SASH3: variants seen among roughly 807,000 people sequenced by gnomAD.
SASH3 encodes the protein SAM and SH3 domain-containing protein 3.
Under a neutral mutation model 26.1 loss-of-function variants are expected in SASH3, and 7 were observed. That is an observed-to-expected ratio of 0.27 (90% CI 0.15 to 0.50). The LOEUF is 0.50. Ranked by LOEUF, SASH3 falls within the 20% of genes least tolerant of loss-of-function variation. The pLI, the probability that SASH3 is intolerant of heterozygous loss-of-function variation, is 0.98. For synonymous variants in SASH3, 138 were observed against 136.8 expected (o/e 1.01, Z -0.06); for missense variants, 231 against 318.3 (o/e 0.73, Z 2.09).
At position 129,792,713 on chromosome X, in the gene SASH3, C is replaced by T. The variant is rs1180894203; in HGVS notation, c.678C>T (p.Phe226=). 3 of 1,209,847 alleles carry T rather than the reference C, an allele frequency of 2.5e-6. No individual in the cohort carries two copies. Among genetic ancestry groups the T allele is most frequent in the Admixed American group, 2.2e-5 (1 of 45,855 alleles). The change falls in exon 6 of 8, where the codon TTC becomes TTT. Residue 226 remains phenylalanine (F), a synonymous_variant. Coordinates refer to ENST00000356892, the MANE Select transcript of SASH3 (RefSeq NM_018990.4). ...LLNGKVGSFK[F]IYVDVLPEEA... is the part of the protein sequence containing the mutation. Reference sequence around the variant, plus strand: ...ATGGCAAGGTGGGCTCTTTCAAATTCATCTATGTGGATGTGCTGCCCGAGG... The same window carrying T: ...ATGGCAAGGTGGGCTCTTTCAAATTTATCTATGTGGATGTGCTGCCCGAGG...
At position 129,794,803 on chromosome X, in the gene SASH3, A is replaced by G. The variant is rs900906407; in HGVS notation, c.*971A>G. 8.9e-6 allele frequency: 1 copy of G among 111,896 alleles called. No homozygotes were observed. Among genetic ancestry groups the G allele is most frequent in the African/African-American group, 3.2e-5 (1 of 30,811 alleles). 9.2% of individuals were successfully genotyped at this position (111,896 alleles called of 1,213,427 possible). ...AGGACAGAATTGCCTCTCGGAAGCC[A>G]GCTGTGGATCTGAGTCCAGAGTTGG... On this transcript the variant is annotated 3_prime_UTR_variant, in exon 8 of 8. Coordinates refer to ENST00000356892, the MANE Select transcript of SASH3 (RefSeq NM_018990.4).
intron 2 of SASH3, 63 bp downstream of exon 2, chrX:129,788,133 G>GT: frequency 3.2e-6 from 1 of 312,633 alleles, no homozygotes. Context: ...GTGGGGGTGG[G>GT]AGGGAAGAGG....
At position 129,794,162 on chromosome X, in the gene SASH3, C is replaced by G; in HGVS notation, c.*330C>G. ...GCACTGGGAAACCCTGCCCATGTCC[C>G]TCACCAACAAGGCCTCCAAATCCTC... On this transcript the variant is annotated 3_prime_UTR_variant, in exon 8 of 8. Transcript: ENST00000356892. 1 of 295,084 alleles carries G rather than the reference C, an allele frequency of 3.4e-6. No homozygotes were observed. The highest frequency in any genetic ancestry group is 9.8e-5 in the South Asian group (1 of 10,198). 24.3% of individuals were successfully genotyped at this position (295,084 alleles called of 1,213,427 possible).
At chrX:129,788,137 G>GGGGGGGGGGGGGGGGGGGGGGGGTGGGC in intron 2 of SASH3, 67 bp downstream of exon 2, 1 of 354,276 alleles carries the variant, frequency 2.8e-6, no homozygotes. Context: ...GGGTGGGAGG[G>GGGGGGGGGGGGGGGGGGGGGGGGTGGGC]AAGAGGGTGA....
In SASH3 at chrX:129,794,426, T is replaced by A. The variant is rs1200990801; in HGVS notation, c.*594T>A. The A allele has an allele frequency of 3.6e-5, 4 of 112,440 alleles. No individual in the cohort carries two copies. Among genetic ancestry groups the A allele is most frequent in the Middle Eastern group, 4.2e-3 (1 of 239 alleles). The allele number at this position is 112,440 out of a possible 1,213,427, so 9.3% of individuals were successfully genotyped here. A position where few individuals can be genotyped will look rare whatever the true frequency, so the allele number is the denominator to read the frequency against. On this transcript the variant is annotated 3_prime_UTR_variant, in exon 8 of 8. Transcript: ENST00000356892. ...TAAATCTTATGAGACTTGAACCAAG[T>A]GGCTTCCTCTTTCTAGGCTTAGGAC...
At position 129,780,195 on chromosome X, in the gene SASH3, C is replaced by T. The variant is rs776309962; in HGVS notation, c.57+41C>T. On this transcript the variant is annotated intron_variant, in intron 1 of 7. Coordinates refer to ENST00000356892, the MANE Select transcript of SASH3 (RefSeq NM_018990.4). ...GGAACTCACATCTTCCTTTCCTCTG[C>T]TTGCTCGACCCATCCCTTCCAAGAC... 14 of 1,118,240 alleles carry T rather than the reference C, an allele frequency of 1.3e-5. No individual in the cohort carries two copies. In the East Asian group the frequency reaches 3.7e-4, roughly 29 times the overall value. 92.2% of individuals were successfully genotyped at this position (1,118,240 alleles called of 1,213,427 possible). A position where few individuals can be genotyped will look rare whatever the true frequency, so the allele number is the denominator to read the frequency against.
chrX:129,793,976 A>G lies in SASH3; in HGVS notation c.*144A>G. ...AGGGACACTTAGGGCCACAGAGGCC[A>G]GGCCAGGGCCCTACAGGTTCCAGGC... On this transcript the variant is annotated 3_prime_UTR_variant, in exon 8 of 8. Transcript: ENST00000356892. 1 of 572,184 alleles carries G rather than the reference A, an allele frequency of 1.7e-6. No homozygotes were observed. The highest frequency in any genetic ancestry group is 2.7e-6 in the Non-Finnish European group (1 of 370,915). The allele number at this position is 572,184 out of a possible 1,213,427, so 47.2% of individuals were successfully genotyped here. A position where few individuals can be genotyped will look rare whatever the true frequency, so the allele number is the denominator to read the frequency against.
intron 1 of SASH3, among the ~76,000 whole-genome samples, chrX:129,783,800 T>C (rs964870825): frequency 2.7e-5 from 3 of 110,996 alleles, no homozygotes; most frequent in African/African-American, 9.8e-5. Flanking sequence ...AGGAGACCAC[T>C]GGGGAAAGCC....
At position 129,793,962 on chromosome X, in the gene SASH3, G is replaced by C; in HGVS notation, c.*130G>C. The stretch of plus-strand genomic sequence containing the variant: ...GGCCCTGCTTCCCCAGGGACACTTA[G>C]GGCCACAGAGGCCAGGCCAGGGCCC... On this transcript the variant is annotated 3_prime_UTR_variant, in exon 8 of 8. Transcript: ENST00000356892. The C allele has an allele frequency of 1.5e-6, 1 of 645,872 alleles. No homozygotes were observed. The highest frequency in any genetic ancestry group is 2.9e-5 in the South Asian group (1 of 34,631). The allele number at this position is 645,872 out of a possible 1,213,427, so 53.2% of individuals were successfully genotyped here. A position where few individuals can be genotyped will look rare whatever the true frequency, so the allele number is the denominator to read the frequency against.
chrX:129,794,933 GAAGGA>G lies in SASH3; in HGVS notation c.*1107_*1111del, dbSNP rs1012506009. On this transcript the variant is annotated 3_prime_UTR_variant, in exon 8 of 8. Coordinates refer to ENST00000356892, the MANE Select transcript of SASH3 (RefSeq NM_018990.4). ...AGGTTTTGGTGTACATTGAGCCCCA[GAAGGA>G]AAGGAGAGTATCTGTGAGTGGGGGC... The G allele has an allele frequency of 4.5e-5, 5 of 111,645 alleles. No individual in the cohort carries two copies. Among genetic ancestry groups the G allele is most frequent in the African/African-American group, 1.6e-4 (5 of 30,669 alleles). 9.2% of individuals were successfully genotyped at this position (111,645 alleles called of 1,213,427 possible).
chrX:129,781,603 A>G (rs1927018327), intron 1 of SASH3, among the ~76,000 whole-genome samples: 2 of 112,487 alleles, frequency 1.8e-5, no homozygotes, highest in South Asian at 7.3e-4. Flanking sequence ...AAGTGTGAGA[A>G]AGAGCTGACA....
In SASH3 at chrX:129,779,963, A is replaced by G. The variant is rs1926985356; in HGVS notation, c.-135A>G. On this transcript the variant is annotated 5_prime_UTR_variant, in exon 1 of 8. Coordinates refer to ENST00000356892, the MANE Select transcript of SASH3 (RefSeq NM_018990.4). Reference sequence around the variant, plus strand: ...CCATGGCCCGCACCCCCAAGCTGCCACTGCAGCAGTCAGAGTGGCAGCTGA... The same window carrying G: ...CCATGGCCCGCACCCCCAAGCTGCCGCTGCAGCAGTCAGAGTGGCAGCTGA... 7.2e-6 allele frequency: 4 copies of G among 557,436 alleles called. No individual in the cohort carries two copies. Among genetic ancestry groups the G allele is most frequent in the African/African-American group, 6.9e-5 (3 of 43,263 alleles). 45.9% of individuals were successfully genotyped at this position (557,436 alleles called of 1,213,427 possible).
intron 1 of SASH3, among the ~76,000 whole-genome samples, chrX:129,786,270 C>T (rs987308848): frequency 9.0e-6 from 1 of 111,463 alleles, no homozygotes; most frequent in Non-Finnish European, 1.9e-5. Context: ...ATGTGTGACC[C>T]CTGACCCCCA....
rs192894251 is a variant in SASH3, at chrX:129,781,200, A to G, written c.57+1046A>G. On this transcript the variant is annotated intron_variant, in intron 1 of 7. Coordinates refer to ENST00000356892, the MANE Select transcript of SASH3 (RefSeq NM_018990.4). ...CCCTGGAACTCAGCCCAGGTGCCCT[A>G]TGGTGGATCCCCCTTGTCAGGGGAG... Among the ~76,000 whole-genome samples the G allele has an allele frequency of 5.6e-4, 63 of 112,153 alleles. No homozygotes were observed. The East Asian group carries it at 0.017, about 30-fold the overall frequency.
intron 1 of SASH3, among the ~76,000 whole-genome samples, chrX:129,787,659 T>C (rs1457164756): frequency 8.9e-6 from 1 of 112,019 alleles, no homozygotes; most frequent in African/African-American, 3.2e-5. Flanking sequence ...CTCTGACTCA[T>C]GTAGTCTTTC....
At chrX:129,787,707 G>A (rs191026078) in intron 1 of SASH3, among the ~76,000 whole-genome samples, 2 of 112,200 alleles carry the variant, frequency 1.8e-5, no homozygotes, top group East Asian at 5.6e-4. Flanking sequence ...AGGAACTGGT[G>A]GAATTTCAGG....
chrX:129,791,101 G>C lies in SASH3; in HGVS notation c.442+20G>C. ...CAACAGGTGAGTAGGGGATGCGGGGGACACCTGCCGAATCTGGAGGAAAGG... is the reference window on the plus strand; with the variant it reads ...CAACAGGTGAGTAGGGGATGCGGGGCACACCTGCCGAATCTGGAGGAAAGG... On this transcript the variant is annotated intron_variant, in intron 4 of 7. Transcript: ENST00000356892. 1.7e-6 allele frequency: 2 copies of C among 1,202,233 alleles called. No individual in the cohort carries two copies. Among genetic ancestry groups the C allele is most frequent in the Non-Finnish European group, 2.2e-6 (2 of 889,379 alleles).
intron 1 of SASH3, among the ~76,000 whole-genome samples, chrX:129,787,693 C>CT (rs1161660929): frequency 8.9e-6 from 1 of 112,096 alleles, no homozygotes; most frequent in Non-Finnish European, 1.9e-5. Flanking sequence ...GGGGACCAAA[C>CT]TTGAGGAACT....
chrX:129,791,205 G>A, intron 4 of SASH3, 124 bp downstream of exon 4: 1 of 701,099 alleles, frequency 1.4e-6, no homozygotes, highest in Non-Finnish European at 2.1e-6. Flanking sequence ...TGCCTGCTGG[G>A]AACATTCTCA....
Sources: gnomAD v4.1 joint callset for allele counts (sites outside exome capture counted in the v4.1 genomes callset) on GRCh38, gnomAD v4.1.1 for gene constraint, MANE v1.5 for transcripts, NCBI Gene and HGNC (gene_info 2026-07-23, HGNC 2026-07-21) for gene names.